The following SLC24A3 variants were observed in gnomAD, a reference collection of about 807,000 sequenced individuals.
SLC24A3 encodes solute carrier family 24 member 3.
SLC24A3 carries 28 observed loss-of-function variants against 75.8 expected under a neutral mutation model. The observed-to-expected ratio is 0.37, with a 90% confidence interval of 0.27 to 0.51. SLC24A3 has a LOEUF of 0.51. SLC24A3 is among the 20% of genes least tolerant of loss of function. The pLI is 0.94. For synonymous variants in SLC24A3, 372 were observed against 334.1 expected, an observed-to-expected ratio of 1.11 and a Z score of -1.24; for missense variants, 663 against 847.8, an observed-to-expected ratio of 0.78 and a Z score of 2.71.
chr20:19,310,421 C>T (rs1984431835), intron 2 of SLC24A3, among the ~76,000 whole-genome samples: 1 of 152,180 alleles, frequency 6.6e-6, no homozygotes, highest in Non-Finnish European at 1.5e-5. Context: ...ATTTTCTCTT[C>T]CATTTTTAAA....
intron 2 of SLC24A3, among the ~76,000 whole-genome samples, chr20:19,404,876 A>AC (rs1386113055): frequency 2.0e-5 from 3 of 152,134 alleles, no homozygotes; most frequent in Non-Finnish European, 2.9e-5. Context: ...ATGGTCTTGC[A>AC]TTCCTGGTTT....
At chr20:19,279,320 A>G (rs1983586934) in intron 1 of SLC24A3, among the ~76,000 whole-genome samples, 1 of 152,180 alleles carries the variant, frequency 6.6e-6, no homozygotes, top group South Asian at 2.1e-4. Context: ...AACTTTGGAC[A>G]TTCAAGAGGC....
intron 2 of SLC24A3, among the ~76,000 whole-genome samples, chr20:19,467,430 C>T (rs1987785443): frequency 6.6e-6 from 1 of 152,166 alleles, no homozygotes; most frequent in Non-Finnish European, 1.5e-5. Flanking sequence ...TTCAAGTGTA[C>T]AGTCATCTAA....
rs561510088 is a variant in SLC24A3, at chr20:19,707,091, T to C, written c.1719+8411T>C. Among the ~76,000 whole-genome samples the C allele has an allele frequency of 1.2e-3, 188 of 152,204 alleles. 1 individual carries two copies. Among genetic ancestry groups the C allele is most frequent in the South Asian group, 2.1e-4 (1 of 4,810 alleles). ...TCAAAGAAGACACATCATGTTTTGC[T>C]CTTCTCAAAGCAAGAGCACAAGAAG... On this transcript the variant is annotated intron_variant, in intron 15 of 16. Coordinates refer to ENST00000328041, the MANE Select transcript of SLC24A3 (RefSeq NM_020689.4).
At chr20:19,684,138 C>A in intron 10 of SLC24A3, 38 bp from the exon 11 acceptor site, 1 of 1,597,906 alleles carries the variant, frequency 6.3e-7, no homozygotes, top group South Asian at 1.1e-5. Flanking sequence ...TGCTCCTGGC[C>A]TCCATGTTAT....
chr20:19,459,694 T>A lies in SLC24A3; in HGVS notation c.272-55794T>A, dbSNP rs116351222. On this transcript the variant is annotated intron_variant, in intron 2 of 16. Transcript: ENST00000328041. ...TCAATAAATACTTCTTTTAATATAA[T>A]CAGTGTGATGTCTCTCTGGAAGCTG... 3.7e-3 allele frequency among the ~76,000 whole-genome samples: 571 copies of A among 152,294 alleles called. 2 individuals are homozygous for A. The highest frequency in any genetic ancestry group is 0.013 in the African/African-American group (545 of 41,562).
intron 2 of SLC24A3, among the ~76,000 whole-genome samples, chr20:19,408,572 T>C (rs964861657): frequency 4.6e-5 from 7 of 152,034 alleles, no homozygotes; most frequent in Non-Finnish European, 1.0e-4. Flanking sequence ...GTATTTTTGG[T>C]AGAGACAGGG....
At chr20:19,558,846 A>G (rs1453627791) in intron 3 of SLC24A3, among the ~76,000 whole-genome samples, 1 of 152,202 alleles carries the variant, frequency 6.6e-6, no homozygotes, top group Non-Finnish European at 1.5e-5. Flanking sequence ...GAAGAACTCC[A>G]TTGTATGGAA....
At chr20:19,451,175 A>G (rs895762551) in intron 2 of SLC24A3, among the ~76,000 whole-genome samples, 2 of 152,248 alleles carry the variant, frequency 1.3e-5, no homozygotes, top group African/African-American at 4.8e-5. Context: ...TTACAGAAAG[A>G]TCAAAGGTAA....
At chr20:19,632,597 G>C (rs986984841) in intron 6 of SLC24A3, among the ~76,000 whole-genome samples, 3 of 152,182 alleles carry the variant, frequency 2.0e-5, no homozygotes, top group Admixed American at 2.0e-4. Flanking sequence ...CTTCTGCAAA[G>C]TCTCACTTAC....
At chr20:19,324,955 T>A (rs1984803972) in intron 2 of SLC24A3, among the ~76,000 whole-genome samples, 1 of 151,964 alleles carries the variant, frequency 6.6e-6, no homozygotes, top group Non-Finnish European at 1.5e-5. Context: ...GCAGTTGACA[T>A]TCAAGAACCA....
intron 2 of SLC24A3, among the ~76,000 whole-genome samples, chr20:19,436,423 G>T (rs895382598): frequency 6.6e-6 from 1 of 152,124 alleles, no homozygotes; most frequent in Non-Finnish European, 1.5e-5. Flanking sequence ...CTGCTGAAAA[G>T]GTTCAGTATG....
At chr20:19,404,617 C>T (rs979004971) in intron 2 of SLC24A3, among the ~76,000 whole-genome samples, 1 of 152,176 alleles carries the variant, frequency 6.6e-6, no homozygotes, top group Non-Finnish European at 1.5e-5. Context: ...GAGTTTTAAT[C>T]CAGTTCAGTG....
intron 6 of SLC24A3, among the ~76,000 whole-genome samples, chr20:19,633,365 C>T (rs900299409): frequency 6.6e-6 from 1 of 151,904 alleles, no homozygotes. Context: ...GAATGCCAGT[C>T]GTGGCCGGGC....
At chr20:19,393,452 A>G (rs959514567) in intron 2 of SLC24A3, among the ~76,000 whole-genome samples, 1 of 152,226 alleles carries the variant, frequency 6.6e-6, no homozygotes, top group Non-Finnish European at 1.5e-5. Flanking sequence ...CATAGGCAAC[A>G]TGATCTTATA....
At chr20:19,438,837 G>A (rs1039101258) in intron 2 of SLC24A3, among the ~76,000 whole-genome samples, 5 of 150,734 alleles carry the variant, frequency 3.3e-5, no homozygotes, top group Non-Finnish European at 5.9e-5. Context: ...TAAGCTGCTC[G>A]TTGGCCTCTG....
At chr20:19,234,693 T>C (rs1462628034) in intron 1 of SLC24A3, among the ~76,000 whole-genome samples, 3 of 152,166 alleles carry the variant, frequency 2.0e-5, no homozygotes, top group Non-Finnish European at 4.4e-5. Context: ...CGTGATGTCA[T>C]TGGTGTGCTC....
rs187529701 is a variant in SLC24A3 at position 19,462,264 on chromosome 20, G to A, written c.272-53224G>A. ...CCGTGGGTGTGGGGAGGCAGATGGC[G>A]GGTGGCTTTCTTTCTTTTTTTTGCT... On this transcript the variant is annotated intron_variant, in intron 2 of 16. Coordinates refer to ENST00000328041, the MANE Select transcript of SLC24A3 (RefSeq NM_020689.4). Among the ~76,000 whole-genome samples, 216 of 144,542 alleles carry A rather than the reference G, an allele frequency of 1.5e-3. 1 individual carries two copies. The highest frequency in any genetic ancestry group is 5.3e-3 in the African/African-American group (210 of 39,392). 94.8% of individuals were successfully genotyped at this position (144,542 alleles called of 152,430 possible).
At chr20:19,628,202 C>CAAAA (rs776701707) in intron 6 of SLC24A3, among the ~76,000 whole-genome samples, 19 of 51,794 alleles carry the variant, frequency 3.7e-4, no homozygotes, top group South Asian at 9.0e-4. Flanking sequence ...GACTCCATCT[C>CAAAA]AAAAAAAAAA....
Sources: gnomAD v4.1 joint callset for allele counts (sites outside exome capture counted in the v4.1 genomes callset) on GRCh38, gnomAD v4.1.1 for gene constraint, MANE v1.5 for transcripts, NCBI Gene and HGNC (gene_info 2026-07-23, HGNC 2026-07-21) for gene names.